FOXM1: variants seen among roughly 807,000 people sequenced by gnomAD.
FOXM1 encodes forkhead box protein M1.
A neutral mutation model predicts 63.6 loss-of-function variants in FOXM1; 25 were observed. The observed-to-expected ratio is 0.39, with a 90% confidence interval of 0.29 to 0.55. The LOEUF (loss-of-function observed/expected upper bound fraction) is 0.55. FOXM1 is among the 20% of genes least tolerant of loss of function. FOXM1 has a pLI of 0.60. For missense variants in FOXM1, 879 were observed against 958.7 expected (o/e 0.92, Z 1.10); for synonymous variants, 387 against 376.9 (o/e 1.03, Z -0.31).
rs1053499846 is a variant in FOXM1, at chr12:2,872,750, T to C, written c.503-503A>G. On this transcript the variant is annotated intron_variant, in intron 2 of 8. Coordinates refer to ENST00000359843, the MANE Select transcript of FOXM1 (RefSeq NM_021953.4). This position sits in a 1 kb window ranked among gnomAD's most constrained non-coding sequence, Gnocchi z 4.0. ...GCATTTCAGGACAAATTTAGGAGCA[T>C]AGTTCAAATTGCATTTCAAGCTGAG... 2.6e-5 allele frequency among the ~76,000 whole-genome samples: 4 copies of C among 152,142 alleles called. No individual in the cohort carries two copies. The highest frequency in any genetic ancestry group is 9.7e-5 in the African/African-American group (4 of 41,424).
rs964885984 is a variant in FOXM1, at chr12:2,858,376, C to G, written c.*262G>C. On this transcript the variant is annotated 3_prime_UTR_variant, in exon 9 of 9. Coordinates refer to ENST00000359843, the MANE Select transcript of FOXM1 (RefSeq NM_021953.4). ...AGAATGGAAACAGGCTGGGGGGTTC[C>G]TAATCTCTTTTCACCATTGCCTTTG... is the stretch of plus-strand genomic sequence containing the variant. The G allele has an allele frequency of 1.1e-5, 5 of 447,126 alleles. No homozygotes were observed. Among genetic ancestry groups the G allele is most frequent in the African/African-American group, 9.8e-5 (5 of 51,222 alleles). 27.7% of individuals were successfully genotyped at this position (447,126 alleles called of 1,614,324 possible).
chr12:2,864,540 ACC>A lies in FOXM1; in HGVS notation c.1091-47_1091-46del. 6 of 1,590,928 alleles carry A rather than the reference ACC, an allele frequency of 3.8e-6. No individual in the cohort carries two copies. Among genetic ancestry groups the A allele is most frequent in the Non-Finnish European group, 5.2e-6 (6 of 1,162,050 alleles). On this transcript the variant is annotated intron_variant, in intron 7 of 8. Coordinates refer to ENST00000359843, the MANE Select transcript of FOXM1 (RefSeq NM_021953.4). The surrounding 1 kb of genome is among the most constrained non-coding windows in gnomAD (Gnocchi z 5.1). ...ATCAGGAGCAGGGGGACTGGAGTAC[ACC>A]CCTTCTCAGCCCCAGGAGCTTTGCT...
chr12:2,867,997 AAAG>A (rs1483698505), intron 4 of FOXM1, among the ~76,000 whole-genome samples: 1 of 151,714 alleles, frequency 6.6e-6, no homozygotes, highest in African/African-American at 2.4e-5. Flanking sequence ...AAAAAAAAAA[AAAG>A]AAAGAGTTCT....
At chr12:2,865,523 C>T (rs2098121569) in intron 5 of FOXM1, 124 bp from the exon 6 acceptor site, 3 of 681,408 alleles carry the variant, frequency 4.4e-6, no homozygotes, top group East Asian at 6.0e-5. Context: ...AGACAACTGC[C>T]CCTCCCAGGA....
At chr12:2,868,410 A>G in intron 4 of FOXM1, 153 bp downstream of exon 4, 1 of 583,782 alleles carries the variant, frequency 1.7e-6, no homozygotes, top group Non-Finnish European at 2.9e-6. Context: ...GCCTGGATTC[A>G]ATAAGATTGA....
chr12:2,861,544 TTATCA>T (rs1242024425), intron 8 of FOXM1: 1 of 372,034 alleles, frequency 2.7e-6, no homozygotes, highest in East Asian at 4.0e-5. Context: ...GATATAGATC[TTATCA>T]TATATTGCTG....
chr12:2,868,783 G>A, intron 3 of FOXM1, 29 bp from the exon 4 acceptor site: 1 of 1,580,226 alleles, frequency 6.3e-7, no homozygotes, highest in East Asian at 2.3e-5. Flanking sequence ...GGAATGACAT[G>A]AAAGAGTTCA....
At chr12:2,863,368 C>G (rs1022682216) in intron 8 of FOXM1, among the ~76,000 whole-genome samples, 1 of 152,114 alleles carries the variant, frequency 6.6e-6, no homozygotes, top group African/African-American at 2.4e-5. Flanking sequence ...CTCTCTACAC[C>G]TGTTTGCTTA....
At chr12:2,866,672 T>C (rs1376895090) in intron 4 of FOXM1, 151 bp from the exon 5 acceptor site, 5 of 694,144 alleles carry the variant, frequency 7.2e-6, no homozygotes, top group Non-Finnish European at 1.1e-5. Flanking sequence ...GCAACTCTCC[T>C]GACACTCCAC....
In FOXM1 at chr12:2,857,795, C is replaced by G. The variant is rs1158371655; in HGVS notation, c.*843G>C. On this transcript the variant is annotated 3_prime_UTR_variant, in exon 9 of 9. Coordinates refer to ENST00000359843, the MANE Select transcript of FOXM1 (RefSeq NM_021953.4). ...AAAGCTGAGGGGCAAGCTAAGGAAG[C>G]CAGGCAGGTCAGGGGCCCTTTCGGC... 2 of 152,556 alleles carry G rather than the reference C, an allele frequency of 1.3e-5. No individual in the cohort carries two copies. The highest frequency in any genetic ancestry group is 3.9e-4 in the East Asian group (2 of 5,174). 9.5% of individuals were successfully genotyped at this position (152,556 alleles called of 1,614,324 possible). A position where few individuals can be genotyped will look rare whatever the true frequency, so the allele number is the denominator to read the frequency against.
chr12:2,861,366 C>G (rs893970861), intron 8 of FOXM1: 3 of 727,094 alleles, frequency 4.1e-6, no homozygotes, highest in South Asian at 1.5e-5. Context: ...CAGATCGCCA[C>G]TAAAGAACTT....
chr12:2,866,677 C>T (rs557583484), intron 4 of FOXM1, among the ~76,000 whole-genome samples, 156 bp from the exon 5 acceptor site: 1 of 152,346 alleles, frequency 6.6e-6, no homozygotes, highest in East Asian at 1.9e-4. Flanking sequence ...TCTCCTGACA[C>T]TCCACACCGC....
intron 4 of FOXM1, chr12:2,868,225 A>T (rs1304082001): frequency 5.9e-6 from 1 of 169,618 alleles, no homozygotes; most frequent in African/African-American, 2.4e-5. Flanking sequence ...CACAGACAGC[A>T]TTTTTTTTTT....
chr12:2,868,715 A>G lies in FOXM1; in HGVS notation c.694T>C (p.Ser232Pro). The change falls in exon 4 of 9, where the codon TCT (serine) becomes CCT (proline). Residue 232 changes from serine to proline, a missense_variant. Ser to Pro is a moderately conservative substitution (Grantham distance 74). Coordinates refer to ENST00000359843, the MANE Select transcript of FOXM1 (RefSeq NM_021953.4). ...PSRPSASWQN[S>P]VSERPPYSYM... The stretch of plus-strand genomic sequence containing the variant: ...GAGTAGGGTGGCCGCTCAGACACAG[A>G]GTTCTGCCAGGACGCTGATGGTCTC... 6.2e-7 allele frequency: 1 copy of G among 1,613,898 alleles called. No homozygotes were observed. The highest frequency in any genetic ancestry group is 1.1e-5 in the South Asian group (1 of 91,008).
Position 2,872,402 on chromosome 12 carries a change from G to A in FOXM1, c.503-155C>T, listed in dbSNP as rs1187909846. 3.3e-5 allele frequency among the ~76,000 whole-genome samples: 5 copies of A among 152,112 alleles called. No homozygotes were observed. The highest frequency in any genetic ancestry group is 2.6e-4 in the Admixed American group (4 of 15,270). ...AGGCGGGTGGATCTCCTGAGGTCAG[G>A]AGTTCAAGACCAGCCTGGCCAACAT... On this transcript the variant is annotated intron_variant, in intron 2 of 8. Transcript: ENST00000359843. This position sits in a 1 kb window ranked among gnomAD's most constrained non-coding sequence, Gnocchi z 4.0.
chr12:2,862,035 T>C (rs1271019370), intron 8 of FOXM1, among the ~76,000 whole-genome samples: 1 of 152,068 alleles, frequency 6.6e-6, no homozygotes, highest in Admixed American at 6.6e-5. Flanking sequence ...AAAAATTAGC[T>C]GGGCGTGGTG....
chr12:2,871,541 A>G (rs2098133258), intron 3 of FOXM1, among the ~76,000 whole-genome samples: 1 of 152,086 alleles, frequency 6.6e-6, no homozygotes, highest in African/African-American at 2.4e-5. Flanking sequence ...AGTCCCAGCT[A>G]CTTGGAAGAC....
intron 5 of FOXM1, among the ~76,000 whole-genome samples, chr12:2,865,811 C>A (rs535584356): frequency 6.6e-6 from 1 of 152,178 alleles, no homozygotes; most frequent in South Asian, 2.1e-4. Context: ...CGCCACCACA[C>A]CCAGCTAATT....
intron 2 of FOXM1, 104 bp downstream of exon 2, chr12:2,873,873 C>T (rs1031164705): frequency 5.2e-6 from 7 of 1,334,352 alleles, no homozygotes; most frequent in Non-Finnish European, 7.2e-6. Flanking sequence ...CCACTGTGCT[C>T]GGCCAGAAGC....
Sources: allele counts gnomAD v4.1 joint callset (sites outside exome capture counted in the v4.1 genomes callset), GRCh38; gene constraint gnomAD v4.1.1; non-coding constraint Gnocchi (gnomAD v3.1); transcripts MANE v1.5; gene names NCBI Gene and HGNC (gene_info 2026-07-23, HGNC 2026-07-21).